The following PCDHGA5 variants were observed in gnomAD, a reference collection of about 807,000 sequenced individuals.
The protein encoded by PCDHGA5 is protocadherin gamma subfamily A, 5, also known as protocadherin gamma-A5.
Under a neutral mutation model 56.7 loss-of-function variants are expected in PCDHGA5, and 36 were observed. That is an observed-to-expected ratio of 0.64 (90% CI 0.49 to 0.84). PCDHGA5 has a LOEUF of 0.84. Among genes scored for constraint, PCDHGA5 ranks in the 40% least tolerant of loss-of-function variants. The pLI, the probability that PCDHGA5 is intolerant of heterozygous loss-of-function variation, is 0.00. For missense variants in PCDHGA5, 1,305 were observed against 1,201.5 expected (o/e 1.09, Z -1.27); for synonymous variants, 563 against 520.2 (o/e 1.08, Z -1.12).
At chr5:141,483,694 C>T (rs915328297) in intron 1 of PCDHGA5, among the ~76,000 whole-genome samples, 3 of 151,952 alleles carry the variant, frequency 2.0e-5, no homozygotes, top group African/African-American at 4.8e-5. Flanking sequence ...AGCCAGATTC[C>T]TCTTTTTGAC....
At chr5:141,400,077 C>T in intron 1 of PCDHGA5, 4 of 1,614,040 alleles carry the variant, frequency 2.5e-6, no homozygotes, top group South Asian at 1.1e-5. Context: ...AGCCGCCACT[C>T]TCCGCCACCG....
chr5:141,397,332 A>G (rs1246653356), intron 1 of PCDHGA5, among the ~76,000 whole-genome samples: 1 of 152,234 alleles, frequency 6.6e-6, no homozygotes, highest in Non-Finnish European at 1.5e-5. Flanking sequence ...AATTATTTTT[A>G]TAAAGAATGT....
At chr5:141,377,587 C>A (rs1272601199) in intron 1 of PCDHGA5, 2 of 147,530 alleles carry the variant, frequency 1.4e-5, no homozygotes, top group African/African-American at 5.1e-5. Flanking sequence ...CAGAATGAGA[C>A]TTTTTCTCTC....
Position 141,372,784 on chromosome 5 carries a change from C to T in PCDHGA5, c.2421+6033C>T. Reference sequence around the variant, plus strand: ...GAAAGTAATGACAATCCAGAAATGCCTTCTAATTCAGGCAATTTGCAAAAG... The same window carrying T: ...GAAAGTAATGACAATCCAGAAATGCTTTCTAATTCAGGCAATTTGCAAAAG... On this transcript the variant is annotated intron_variant, in intron 1 of 3. Coordinates refer to ENST00000518069, the MANE Select transcript of PCDHGA5 (RefSeq NM_018918.3). The T allele has an allele frequency of 1.9e-6, 3 of 1,606,556 alleles. No homozygotes were observed. In the South Asian group the frequency reaches 3.3e-5, roughly 18 times the overall value.
intron 1 of PCDHGA5, chr5:141,370,168 C>T (rs890245618): frequency 2.2e-6 from 1 of 458,196 alleles, no homozygotes; most frequent in East Asian, 3.2e-5. Flanking sequence ...GCAGCAGAGG[C>T]GCCGGGTGCC....
intron 1 of PCDHGA5, chr5:141,423,278 A>C: frequency 1.2e-6 from 2 of 1,613,940 alleles, no homozygotes; most frequent in Non-Finnish European, 1.7e-6. Flanking sequence ...TCTCTGGCTA[A>C]CTCTGAAACC....
chr5:141,494,688 A>T (rs2099756168), intron 1 of PCDHGA5, 119 bp from the exon 2 acceptor site: 1 of 1,576,254 alleles, frequency 6.3e-7, no homozygotes, highest in Non-Finnish European at 8.6e-7. Context: ...GCCCCCTCTT[A>T]GTCCGTTTTC....
chr5:141,404,525 T>G, intron 1 of PCDHGA5: 1 of 1,613,796 alleles, frequency 6.2e-7, no homozygotes, highest in South Asian at 1.1e-5. Flanking sequence ...CTATGAGCAG[T>G]TTAGAGATTT....
intron 1 of PCDHGA5, chr5:141,409,612 C>T: frequency 6.2e-7 from 1 of 1,613,908 alleles, no homozygotes; most frequent in Non-Finnish European, 8.5e-7. Flanking sequence ...CAGGAGCCTC[C>T]ATTGCGCAAG....
intron 1 of PCDHGA5, chr5:141,423,851 C>T (rs1311833319): frequency 7.8e-6 from 10 of 1,275,940 alleles, no homozygotes; most frequent in African/African-American, 1.6e-5. Flanking sequence ...TCTTTCAGAA[C>T]GTTTTTGTGA....
At chr5:141,389,250 A>G (rs1365678326) in intron 1 of PCDHGA5, 16 of 1,614,012 alleles carry the variant, frequency 9.9e-6, no homozygotes, top group Middle Eastern at 1.6e-4. Flanking sequence ...GTCTTCCTAT[A>G]TAGTCCACGT....
intron 1 of PCDHGA5, among the ~76,000 whole-genome samples, chr5:141,459,176 T>C (rs2098962762): frequency 6.6e-6 from 1 of 152,210 alleles, no homozygotes. Context: ...CTTCAAAAGT[T>C]CCCTCATGCC....
At chr5:141,396,645 A>G (rs1224275677) in intron 1 of PCDHGA5, 1 of 152,172 alleles carries the variant, frequency 6.6e-6, no homozygotes, top group Non-Finnish European at 1.5e-5. Context: ...TAATATTAAT[A>G]GTAAAAACTC....
Position 141,477,486 on chromosome 5 carries a change from C to A in PCDHGA5, c.2422-17321C>A. On this transcript the variant is annotated intron_variant, in intron 1 of 3. Coordinates refer to ENST00000518069, the MANE Select transcript of PCDHGA5 (RefSeq NM_018918.3). This position sits in a 1 kb window ranked among gnomAD's most constrained non-coding sequence, Gnocchi z 4.9. ...GACATCAATGACAACCCTCCACAAT[C>A]TTCTCAATCTTCCTACGACGTTTAC... is the stretch of plus-strand genomic sequence containing the variant. The A allele has an allele frequency of 6.2e-7, 1 of 1,614,170 alleles. No homozygotes were observed. The highest frequency in any genetic ancestry group is 8.5e-7 in the Non-Finnish European group (1 of 1,180,040).
intron 1 of PCDHGA5, chr5:141,370,205 T>C (rs1766739640): frequency 3.7e-6 from 2 of 547,650 alleles, no homozygotes; most frequent in South Asian, 6.6e-5. Flanking sequence ...GTGCAAAATA[T>C]TGGCTCCTCC....
At chr5:141,488,217 A>G (rs537136341) in intron 1 of PCDHGA5, among the ~76,000 whole-genome samples, 2 of 152,274 alleles carry the variant, frequency 1.3e-5, no homozygotes, top group East Asian at 1.9e-4. Flanking sequence ...TCAAGTCCCT[A>G]CTGGGGATTT....
intron 1 of PCDHGA5, chr5:141,370,337 G>A: frequency 6.9e-7 from 1 of 1,448,610 alleles, no homozygotes; most frequent in Non-Finnish European, 9.3e-7. Context: ...AGAACTCTTG[G>A]GATTATTTAA....
At chr5:141,371,332 A>T (rs1481476869) in intron 1 of PCDHGA5, 1 of 1,613,988 alleles carries the variant, frequency 6.2e-7, no homozygotes, top group South Asian at 1.1e-5. Flanking sequence ...GAAGAGAGAG[A>T]TAGCTACACA....
At position 141,415,600 on chromosome 5, in the gene PCDHGA5, C is replaced by G. The variant is rs778987183; in HGVS notation, c.2421+48849C>G. ...TTCGAAGTTTCCTATAGAGGATACC[C>G]CATTGGTTCCAGTGAGTTTTATTTT... On this transcript the variant is annotated intron_variant, in intron 1 of 3. Coordinates refer to ENST00000518069, the MANE Select transcript of PCDHGA5 (RefSeq NM_018918.3). 24 of 1,613,588 alleles carry G rather than the reference C, an allele frequency of 1.5e-5. No individual in the cohort carries two copies. In the Middle Eastern group the frequency reaches 1.2e-3, roughly 77 times the overall value.
Sources: gnomAD v4.1 joint callset for allele counts (sites outside exome capture counted in the v4.1 genomes callset) on GRCh38, gnomAD v4.1.1 for gene constraint, Gnocchi (gnomAD v3.1) non-coding constraint, MANE v1.5 for transcripts, NCBI Gene and HGNC (gene_info 2026-07-23, HGNC 2026-07-21) for gene names.